The following POFUT2 variants were observed in gnomAD, a reference collection of about 807,000 sequenced individuals.
POFUT2 encodes GDP-fucose protein O-fucosyltransferase 2.
Under a neutral mutation model 55.0 loss-of-function variants are expected in POFUT2, and 30 were observed. That is an observed-to-expected ratio of 0.55 (90% CI 0.41 to 0.74). The LOEUF (loss-of-function observed/expected upper bound fraction) is 0.74, where lower values mean the gene tolerates loss of function less well. Ranked by LOEUF, POFUT2 falls within the 30% of genes least tolerant of loss-of-function variation. The pLI, the probability that POFUT2 is intolerant of heterozygous loss-of-function variation, is 0.00. For synonymous variants in POFUT2, 267 were observed against 231.1 expected, an observed-to-expected ratio of 1.16 and a Z score of -1.41; for missense variants, 524 against 562.6, an observed-to-expected ratio of 0.93 and a Z score of 0.69.
intron 6 of POFUT2, among the ~76,000 whole-genome samples, chr21:45,273,450 G>A (rs924999516): frequency 6.6e-6 from 1 of 151,972 alleles, no homozygotes; most frequent in African/African-American, 2.4e-5. Flanking sequence ...ATCAGACACT[G>A]AAAGAAGAAG....
rs2093145261 is a variant in POFUT2 at position 45,265,513 on chromosome 21, T to C, written c.1259A>G (p.Glu420Gly). The C allele has an allele frequency of 1.2e-6, 2 of 1,613,872 alleles. No homozygotes were observed. Among genetic ancestry groups the C allele is most frequent in the Non-Finnish European group, 8.5e-7 (1 of 1,179,888 alleles). ...GGTGATCTTCCAGTGGGTGGGTTGC[T>C]CACACGCCTTCTCTTGGTCTCCGCA... The part of the protein sequence containing the change: ...RFCGDQEKAC[E>G]QPTHWKITY The change falls in exon 9 of 9, where the codon GAG becomes GGG. Residue 420 changes from glutamate to glycine, a missense_variant. Coordinates refer to ENST00000349485, the MANE Select transcript of POFUT2 (RefSeq NM_133635.6). This position sits in a 1 kb window ranked among gnomAD's most constrained non-coding sequence, Gnocchi z 4.6.
Position 45,270,170 on chromosome 21 carries a change from G to A in POFUT2, c.832-151C>T. 1 of 431,108 alleles carries A rather than the reference G, an allele frequency of 2.3e-6. No individual in the cohort carries two copies. Among genetic ancestry groups the A allele is most frequent in the Non-Finnish European group, 4.0e-6 (1 of 250,898 alleles). The allele number at this position is 431,108 out of a possible 1,614,324, so 26.7% of individuals were successfully genotyped here. ...CCAGGGCTGTCTAAGGGATTCAGGT[G>A]GAATCTCGGGGGCGACCAGATGTCT... On this transcript the variant is annotated intron_variant, in intron 6 of 8. Transcript: ENST00000349485. The surrounding 1 kb of genome is among the most constrained non-coding windows in gnomAD (Gnocchi z 4.6).
rs116394732 is a variant in POFUT2 at position 45,282,060 on chromosome 21, C to T, written c.638+289G>A. Among the ~76,000 whole-genome samples, 50 of 152,314 alleles carry T rather than the reference C, an allele frequency of 3.3e-4. No homozygotes were observed. Among genetic ancestry groups the T allele is most frequent in the African/African-American group, 1.1e-3 (44 of 41,564 alleles). On this transcript the variant is annotated intron_variant, in intron 4 of 8. Transcript: ENST00000349485. The surrounding 1 kb of genome is among the most constrained non-coding windows in gnomAD (Gnocchi z 4.6). ...GAGAACAGTCTCATGGTGAGCTCCC[C>T]GCCGCCCCCAGCCCAGCTCAGCCCC... is the stretch of plus-strand genomic sequence containing the variant.
At position 45,282,283 on chromosome 21, in the gene POFUT2, A is replaced by T; in HGVS notation, c.638+66T>A. On this transcript the variant is annotated intron_variant, in intron 4 of 8. Transcript: ENST00000349485. This position sits in a 1 kb window ranked among gnomAD's most constrained non-coding sequence, Gnocchi z 4.6. The stretch of plus-strand genomic sequence containing the variant: ...GCGGGAGTATGGGCGGAGAGCCCCC[A>T]GCCCAGCATGCACGGAGCAGACGCC... 1 of 1,036,906 alleles carries T rather than the reference A, an allele frequency of 9.6e-7. No individual in the cohort carries two copies. Among genetic ancestry groups the T allele is most frequent in the Non-Finnish European group, 1.5e-6 (1 of 668,052 alleles). The allele number at this position is 1,036,906 out of a possible 1,614,324, so 64.2% of individuals were successfully genotyped here. A position where few individuals can be genotyped will look rare whatever the true frequency, so the allele number is the denominator to read the frequency against.
chr21:45,285,393 C>A lies in POFUT2; in HGVS notation c.382+285G>T, dbSNP rs553205499. ...TGTCACTATAACACCCAGGGGTGGC[C>A]GCTTTCTTAGGGTGTAAGGGCGGCT... On this transcript the variant is annotated intron_variant, in intron 2 of 8. Coordinates refer to ENST00000349485, the MANE Select transcript of POFUT2 (RefSeq NM_133635.6). This position sits in a 1 kb window ranked among gnomAD's most constrained non-coding sequence, Gnocchi z 4.9. 1.6e-5 allele frequency: 7 copies of A among 430,272 alleles called. No homozygotes were observed. Among genetic ancestry groups the A allele is most frequent in the Non-Finnish European group, 2.2e-5 (5 of 226,960 alleles). The allele number at this position is 430,272 out of a possible 1,614,324, so 26.7% of individuals were successfully genotyped here.
In POFUT2 at chr21:45,287,736, T is replaced by C. The variant is rs763483178; in HGVS notation, c.131+5A>G. On this transcript the variant is annotated splice_donor_5th_base_variant and intron_variant, in intron 1 of 8. Coordinates refer to ENST00000349485, the MANE Select transcript of POFUT2 (RefSeq NM_133635.6). ...CCAGCGTTGGCACCGTGGACGCGCGTTTACCGTCTGCGGGAAGCCGCCCCC... is the reference window on the plus strand; with the variant it reads ...CCAGCGTTGGCACCGTGGACGCGCGCTTACCGTCTGCGGGAAGCCGCCCCC... 7.2e-6 allele frequency: 9 copies of C among 1,245,600 alleles called. No individual in the cohort carries two copies. In the African/African-American group the frequency reaches 1.2e-4, roughly 17 times the overall value. 77.2% of individuals were successfully genotyped at this position (1,245,600 alleles called of 1,614,324 possible).
chr21:45,274,937 G>A (rs1490973449), intron 6 of POFUT2, among the ~76,000 whole-genome samples: 6 of 152,076 alleles, frequency 3.9e-5, no homozygotes, highest in Non-Finnish European at 7.4e-5. Flanking sequence ...TAATAGATAG[G>A]GCATAATTAA....
chr21:45,281,546 T>C lies in POFUT2; in HGVS notation c.638+803A>G, dbSNP rs1020451644. On this transcript the variant is annotated intron_variant, in intron 4 of 8. Coordinates refer to ENST00000349485, the MANE Select transcript of POFUT2 (RefSeq NM_133635.6). This position sits in a 1 kb window ranked among gnomAD's most constrained non-coding sequence, Gnocchi z 5.0. ...CCGGCCCGCTGGGGCCAGCGGCAGC[T>C]GTTACTGACCAGGGTGATACCGAGC... is the stretch of plus-strand genomic sequence containing the variant. Among the ~76,000 whole-genome samples the C allele has an allele frequency of 1.3e-5, 2 of 152,108 alleles. No homozygotes were observed. Among genetic ancestry groups the C allele is most frequent in the African/African-American group, 4.8e-5 (2 of 41,424 alleles).
Position 45,265,996 on chromosome 21 carries a change from G to A in POFUT2, c.1137-361C>T, listed in dbSNP as rs2093150334. 3 of 1,209,916 alleles carry A rather than the reference G, an allele frequency of 2.5e-6. No homozygotes were observed. Among genetic ancestry groups the A allele is most frequent in the South Asian group, 3.0e-5 (2 of 66,230 alleles). The allele number at this position is 1,209,916 out of a possible 1,614,324, so 74.9% of individuals were successfully genotyped here. On this transcript the variant is annotated intron_variant, in intron 8 of 8. Coordinates refer to ENST00000349485, the MANE Select transcript of POFUT2 (RefSeq NM_133635.6). The surrounding 1 kb of genome is among the most constrained non-coding windows in gnomAD (Gnocchi z 4.6). ...TCGAATACCTCCTGGGGGTCACATG[G>A]TGAACAATGAGAGATTCCTACTAAC... is the stretch of plus-strand genomic sequence containing the variant.
Position 45,285,541 on chromosome 21 carries a change from C to T in POFUT2, c.382+137G>A, listed in dbSNP as rs1217941041. ...ACGGAGGAGGTGCTGCCACAGGCCT[C>T]AGGCAGCAGCACTGGGCACTGGAGG... On this transcript the variant is annotated intron_variant, in intron 2 of 8. Transcript: ENST00000349485. This position sits in a 1 kb window ranked among gnomAD's most constrained non-coding sequence, Gnocchi z 4.9. 2 of 1,020,680 alleles carry T rather than the reference C, an allele frequency of 2.0e-6. No individual in the cohort carries two copies. The highest frequency in any genetic ancestry group is 1.6e-5 in the African/African-American group (1 of 63,656). The allele number at this position is 1,020,680 out of a possible 1,614,324, so 63.2% of individuals were successfully genotyped here.
In POFUT2 at chr21:45,284,507, C is replaced by G. The variant is rs887008608; in HGVS notation, c.383-980G>C. Among the ~76,000 whole-genome samples, 1 of 152,208 alleles carries G rather than the reference C, an allele frequency of 6.6e-6. No homozygotes were observed. The highest frequency in any genetic ancestry group is 1.5e-5 in the Non-Finnish European group (1 of 68,032). ...CCTCACAGGCGAGGAAACAGCTCAGCAAAGCCCCAGGCTGGTGGATGGCAG... is the reference window on the plus strand; with the variant it reads ...CCTCACAGGCGAGGAAACAGCTCAGGAAAGCCCCAGGCTGGTGGATGGCAG... On this transcript the variant is annotated intron_variant, in intron 2 of 8. Transcript: ENST00000349485. This position sits in a 1 kb window ranked among gnomAD's most constrained non-coding sequence, Gnocchi z 5.8.
intron 4 of POFUT2, among the ~76,000 whole-genome samples, chr21:45,280,225 T>G (rs1260534272): frequency 6.6e-6 from 1 of 151,992 alleles, no homozygotes; most frequent in Non-Finnish European, 1.5e-5. Flanking sequence ...TCCTCCCATC[T>G]CTCCCTCCGA....
At chr21:45,280,672 T>TGCCCGTCCCCACTC (rs1310732481) in intron 4 of POFUT2, among the ~76,000 whole-genome samples, 5 of 147,862 alleles carry the variant, frequency 3.4e-5, no homozygotes, top group African/African-American at 4.9e-5. Context: ...CACCCCAGGC[T>TGCCCGTCCCCACTC]GCCCGTCCCT....
chr21:45,279,427 AT>A (rs2030302043), intron 4 of POFUT2, among the ~76,000 whole-genome samples: 2 of 152,224 alleles, frequency 1.3e-5, no homozygotes, highest in African/African-American at 4.8e-5. Context: ...AAACAAAAAA[AT>A]GTAATCTCTA....
In POFUT2 at chr21:45,285,573, G is replaced by T; in HGVS notation, c.382+105C>A. On this transcript the variant is annotated intron_variant, in intron 2 of 8. Transcript: ENST00000349485. The surrounding 1 kb of genome is among the most constrained non-coding windows in gnomAD (Gnocchi z 4.9). ...CAGCACTGGGCACTGGAGGATGCTG[G>T]TGAGGCTGGATGCAATCGTAAGCCC... is the stretch of plus-strand genomic sequence containing the variant. 7.1e-7 allele frequency: 1 copy of T among 1,401,452 alleles called. No homozygotes were observed. The highest frequency in any genetic ancestry group is 1.0e-6 in the Non-Finnish European group (1 of 1,002,272). The allele number at this position is 1,401,452 out of a possible 1,614,324, so 86.8% of individuals were successfully genotyped here. A position where few individuals can be genotyped will look rare whatever the true frequency, so the allele number is the denominator to read the frequency against.
At position 45,285,607 on chromosome 21, in the gene POFUT2, G is replaced by A. The variant is rs770217993; in HGVS notation, c.382+71C>T. 6.3e-7 allele frequency: 1 copy of A among 1,595,920 alleles called. No individual in the cohort carries two copies. Among genetic ancestry groups the A allele is most frequent in the Non-Finnish European group, 8.6e-7 (1 of 1,168,334 alleles). On this transcript the variant is annotated intron_variant, in intron 2 of 8. Transcript: ENST00000349485. This position sits in a 1 kb window ranked among gnomAD's most constrained non-coding sequence, Gnocchi z 4.9. ...GATGCAATCGTAAGCCCAACCTGAT[G>A]TCTACCTTAGAAATGACTGCCTGGC...
intron 1 of POFUT2, among the ~76,000 whole-genome samples, chr21:45,286,919 G>T (rs1163270257): frequency 6.6e-6 from 1 of 152,192 alleles, no homozygotes; most frequent in Non-Finnish European, 1.5e-5. Flanking sequence ...TTGGCCCTGA[G>T]AATTCACTGC....
Position 45,277,501 on chromosome 21 carries a change from TC to T in POFUT2, c.706-360del, listed in dbSNP as rs1340285332. 9.8e-6 allele frequency: 3 copies of T among 307,084 alleles called. No individual in the cohort carries two copies. The highest frequency in any genetic ancestry group is 1.9e-5 in the Non-Finnish European group (3 of 159,828). The allele number at this position is 307,084 out of a possible 1,614,324, so 19.0% of individuals were successfully genotyped here. ...ACTTCTAGCTTAGGCGGTTAGCACATCCTGCTTTGCCAAACGGGGTGGGACT... is the reference window on the plus strand; with the variant it reads ...ACTTCTAGCTTAGGCGGTTAGCACATCTGCTTTGCCAAACGGGGTGGGACT... On this transcript the variant is annotated intron_variant, in intron 5 of 8. Transcript: ENST00000349485. This position sits in a 1 kb window ranked among gnomAD's most constrained non-coding sequence, Gnocchi z 6.9.
At position 45,265,759 on chromosome 21, in the gene POFUT2, G is replaced by A; in HGVS notation, c.1137-124C>T. The A allele has an allele frequency of 6.9e-7, 1 of 1,457,538 alleles. No homozygotes were observed. The highest frequency in any genetic ancestry group is 1.4e-5 in the South Asian group (1 of 70,868). The allele number at this position is 1,457,538 out of a possible 1,614,324, so 90.3% of individuals were successfully genotyped here. A position where few individuals can be genotyped will look rare whatever the true frequency, so the allele number is the denominator to read the frequency against. The stretch of plus-strand genomic sequence containing the variant: ...TCCACAGTTACATGGAACCAACACG[G>A]CCGTCCCCCGAGCACCCACCAGCCG... On this transcript the variant is annotated intron_variant, in intron 8 of 8. Transcript: ENST00000349485. The surrounding 1 kb of genome is among the most constrained non-coding windows in gnomAD (Gnocchi z 4.6).
Sources: allele counts gnomAD v4.1 joint callset (sites outside exome capture counted in the v4.1 genomes callset), GRCh38; gene constraint gnomAD v4.1.1; non-coding constraint Gnocchi (gnomAD v3.1); transcripts MANE v1.5; gene names NCBI Gene and HGNC (gene_info 2026-07-23, HGNC 2026-07-21).